Variants in SORCS1 observed in about 807,000 individuals in gnomAD.
SORCS1 encodes the protein VPS10 domain-containing receptor SorCS1.
Under a neutral mutation model 146.1 loss-of-function variants are expected in SORCS1, and 60 were observed. The observed-to-expected ratio is 0.41, with a 90% CI of 0.33 to 0.51. The LOEUF is 0.51. Ranked by LOEUF, SORCS1 falls within the 20% of genes least tolerant of loss-of-function variation. The pLI, the probability that SORCS1 is intolerant of heterozygous loss-of-function variation, is 0.21. For missense variants in SORCS1, 1,352 were observed against 1,487.6 expected, an observed-to-expected ratio of 0.91 and a Z score of 1.50; for synonymous variants, 637 against 584.0, an observed-to-expected ratio of 1.09 and a Z score of -1.31.
At chr10:107,023,954 A>G (rs937192489) in intron 1 of SORCS1, among the ~76,000 whole-genome samples, 2 of 152,078 alleles carry the variant, frequency 1.3e-5, no homozygotes, top group African/African-American at 4.8e-5. Flanking sequence ...GGTTCAGGTC[A>G]TTTGAGGTCA....
intron 1 of SORCS1, among the ~76,000 whole-genome samples, chr10:107,062,871 C>A (rs1961364348): frequency 6.6e-6 from 1 of 152,096 alleles, no homozygotes; most frequent in Admixed American, 6.6e-5. Context: ...TTTCAGTCTG[C>A]TGTTTTGTTT....
intron 2 of SORCS1, among the ~76,000 whole-genome samples, chr10:106,901,074 GAGA>G (rs1951681313): frequency 6.6e-6 from 1 of 152,126 alleles, no homozygotes; most frequent in East Asian, 1.9e-4. Flanking sequence ...CAGCCCTCTG[GAGA>G]AGGATTATAG....
intron 8 of SORCS1, among the ~76,000 whole-genome samples, chr10:106,700,295 G>T (rs1854040602): frequency 6.6e-6 from 1 of 152,170 alleles, no homozygotes; most frequent in Non-Finnish European, 1.5e-5. Context: ...AGCTACCACA[G>T]TCCAAAGCTT....
rs1229020864 is a variant in SORCS1 at position 106,834,023 on chromosome 10, G to A, written c.627-4350C>T. Among the ~76,000 whole-genome samples the A allele has an allele frequency of 3.3e-5, 5 of 152,232 alleles. No homozygotes were observed. In the East Asian group the frequency reaches 9.7e-4, roughly 29 times the overall value. On this transcript the variant is annotated intron_variant, in intron 2 of 25. Coordinates refer to ENST00000263054, the MANE Select transcript of SORCS1 (RefSeq NM_052918.5). ...TTAGCCAGGATGGTCTCGATCTCCT[G>A]ACCTTGTGATTCACCCACCTCGGCC...
chr10:107,082,144 C>CA (rs11409649), intron 1 of SORCS1, among the ~76,000 whole-genome samples: 36,804 of 151,898 alleles, frequency 0.24, 4,788 homozygotes, highest in Middle Eastern at 0.42. Context: ...ATCACACCTG[C>CA]ACTTTCGGAA....
chr10:107,127,233 C>T (rs1966763157), intron 1 of SORCS1, among the ~76,000 whole-genome samples: 1 of 152,114 alleles, frequency 6.6e-6, no homozygotes, highest in Non-Finnish European at 1.5e-5. Context: ...ATTCAGGATT[C>T]TATGCTGTCA....
intron 24 of SORCS1, among the ~76,000 whole-genome samples, chr10:106,593,001 C>T (rs1845698220): frequency 6.6e-6 from 1 of 151,778 alleles, no homozygotes; most frequent in Non-Finnish European, 1.5e-5. Context: ...CTTAGCCGGG[C>T]ATGGTGGCAT....
At chr10:106,653,483 T>C (rs1352539208) in intron 17 of SORCS1, among the ~76,000 whole-genome samples, 2 of 152,300 alleles carry the variant, frequency 1.3e-5, no homozygotes, top group African/African-American at 4.8e-5. Flanking sequence ...AGCCAGATAG[T>C]GAATGTTTCA....
At chr10:106,608,329 T>A (rs1455270618) in intron 22 of SORCS1, among the ~76,000 whole-genome samples, 1 of 152,264 alleles carries the variant, frequency 6.6e-6, no homozygotes, top group African/African-American at 2.4e-5. Context: ...GTGCATGTTA[T>A]CTCCACCAGA....
Position 106,852,065 on chromosome 10 carries a change from T to C in SORCS1, c.627-22392A>G, listed in dbSNP as rs538257284. On this transcript the variant is annotated intron_variant, in intron 2 of 25. Coordinates refer to ENST00000263054, the MANE Select transcript of SORCS1 (RefSeq NM_052918.5). ...TGTACAATCTTGCTACAATTACTTA[T>C]TAGTTTTTTCATTGTTGTTGATTCT... Among the ~76,000 whole-genome samples the C allele has an allele frequency of 2.0e-5, 3 of 152,358 alleles. No individual in the cohort carries two copies. The South Asian group carries it at 6.2e-4, about 32-fold the overall frequency.
Position 107,164,366 on chromosome 10 carries a change from C to CT in SORCS1, c.160dup (p.Arg54LysfsTer143). The CT allele has an allele frequency of 6.7e-7, 1 of 1,495,796 alleles. No individual in the cohort carries two copies. Among genetic ancestry groups the CT allele is most frequent in the Admixed American group, 2.3e-5 (1 of 44,240 alleles). The allele number at this position is 1,495,796 out of a possible 1,614,324, so 92.7% of individuals were successfully genotyped here. A position where few individuals can be genotyped will look rare whatever the true frequency, so the allele number is the denominator to read the frequency against. On this transcript the variant is annotated frameshift_variant, in exon 1 of 26. Coordinates refer to ENST00000263054, the MANE Select transcript of SORCS1 (RefSeq NM_052918.5). LOFTEE classifies it high-confidence loss of function. This position sits in a 1 kb window ranked among gnomAD's most constrained non-coding sequence, Gnocchi z 6.8. ...TGGCCGCCCCTGGTGGGAAAAGCCC[C>CT]TAGGGGTCGAGGCCGAGCGTGGAGC...
At chr10:106,824,041 T>C (rs192416737) in intron 3 of SORCS1, among the ~76,000 whole-genome samples, 48 of 152,252 alleles carry the variant, frequency 3.2e-4, no homozygotes, top group African/African-American at 1.1e-3. Flanking sequence ...TGGTGGCTCA[T>C]GCTTGTAATC....
chr10:106,664,296 T>C (rs1441497804), intron 17 of SORCS1, among the ~76,000 whole-genome samples: 2 of 152,190 alleles, frequency 1.3e-5, no homozygotes, highest in Non-Finnish European at 2.9e-5. Context: ...TTTTTGAATA[T>C]AAAATTACTT....
chr10:107,126,080 C>T (rs34332786), intron 1 of SORCS1, among the ~76,000 whole-genome samples: 1,629 of 152,268 alleles, frequency 0.011, 17 homozygotes, highest in Non-Finnish European at 0.015. Flanking sequence ...TTTATTACCT[C>T]CTGTTTGACC....
intron 11 of SORCS1, 149 bp from the exon 12 acceptor site, chr10:106,679,481 G>C: frequency 1.1e-6 from 1 of 936,884 alleles, no homozygotes; most frequent in Non-Finnish European, 1.6e-6. Flanking sequence ...AGGTCCAATG[G>C]TTTAGGTGCC....
chr10:106,968,775 C>G (rs1955630812), intron 1 of SORCS1, among the ~76,000 whole-genome samples: 1 of 152,078 alleles, frequency 6.6e-6, no homozygotes, highest in Admixed American at 6.5e-5. Context: ...TATCTCCTCT[C>G]ATTTACCATA....
chr10:106,688,273 G>T lies in SORCS1; in HGVS notation c.1479C>A (p.Ile493=), dbSNP rs145364719. The T allele has an allele frequency of 6.2e-7, 1 of 1,614,002 alleles. No homozygotes were observed. The highest frequency in any genetic ancestry group is 1.7e-5 in the Admixed American group (1 of 60,004). ...KKIDNQVKTF[I]TYNKGRDWRL... is the part of the protein sequence containing the mutation. ...GCCAGTCTCTGCCTTTGTTATATGT[G>T]ATGAAAGTCTTCACTTGGTTGTCAA... Residue 493 remains isoleucine, a synonymous_variant, in exon 10 of 26, where the codon ATC becomes ATA. Coordinates refer to ENST00000263054, the MANE Select transcript of SORCS1 (RefSeq NM_052918.5).
intron 2 of SORCS1, among the ~76,000 whole-genome samples, chr10:106,941,225 G>A (rs545339848): frequency 2.0e-5 from 3 of 152,154 alleles, no homozygotes; most frequent in Non-Finnish European, 4.4e-5. Flanking sequence ...TGAATAGAAG[G>A]GGAAAGGCAT....
intron 5 of SORCS1, among the ~76,000 whole-genome samples, chr10:106,759,880 T>C (rs112192223): frequency 4.7e-4 from 71 of 150,286 alleles, no homozygotes; most frequent in African/African-American, 1.7e-3. Context: ...GATATGTAGT[T>C]AACTAAAAAT....
Sources: gnomAD v4.1 joint callset for allele counts (sites outside exome capture counted in the v4.1 genomes callset) on GRCh38, gnomAD v4.1.1 for gene constraint, Gnocchi (gnomAD v3.1) non-coding constraint, MANE v1.5 for transcripts, NCBI Gene and HGNC (gene_info 2026-07-23, HGNC 2026-07-21) for gene names.